RPRD2: variants seen among roughly 807,000 people sequenced by gnomAD.
The protein encoded by RPRD2 is regulation of nuclear pre-mRNA domain-containing protein 2.
A neutral mutation model predicts 104.4 loss-of-function variants in RPRD2; 12 were observed. That is an observed-to-expected ratio of 0.11 (90% CI 0.07 to 0.19). The LOEUF (loss-of-function observed/expected upper bound fraction) is 0.19, where lower values mean the gene tolerates loss of function less well. RPRD2 is among the 10% of genes least tolerant of loss of function. The pLI is 1.00. For missense variants in RPRD2, 1,543 were observed against 1,790.1 expected (o/e 0.86, Z 2.49); for synonymous variants, 714 against 684.9 (o/e 1.04, Z -0.66).
intron 1 of RPRD2, among the ~76,000 whole-genome samples, chr1:150,368,860 AG>A (rs1660052351): frequency 6.6e-6 from 1 of 152,164 alleles, no homozygotes; most frequent in Non-Finnish European, 1.5e-5. Context: ...TACCCACCTC[AG>A]CCTCCCAAAG....
chr1:150,449,486 A>T (rs1053539111), intron 7 of RPRD2, among the ~76,000 whole-genome samples: 1 of 151,680 alleles, frequency 6.6e-6, no homozygotes, highest in African/African-American at 2.4e-5. Flanking sequence ...AATAATTTTT[A>T]GATTTCTATT....
At chr1:150,459,925 A>G (rs1570783510) in intron 8 of RPRD2, 135 bp from the exon 9 acceptor site, 1 of 735,838 alleles carries the variant, frequency 1.4e-6, no homozygotes, top group Non-Finnish European at 2.2e-6. Flanking sequence ...TCAAAAAAGC[A>G]TGAAGTGAGT....
chr1:150,449,734 G>T (rs897390765), intron 7 of RPRD2, among the ~76,000 whole-genome samples: 2 of 152,130 alleles, frequency 1.3e-5, no homozygotes, highest in Non-Finnish European at 2.9e-5. Context: ...TAGGAGTGAG[G>T]ACTTCAACAT....
chr1:150,381,929 A>G (rs1345701045), intron 1 of RPRD2, among the ~76,000 whole-genome samples: 2 of 152,086 alleles, frequency 1.3e-5, no homozygotes, highest in African/African-American at 4.8e-5. Flanking sequence ...GTTGCTACTA[A>G]CCTCTGAAAG....
intron 1 of RPRD2, among the ~76,000 whole-genome samples, chr1:150,392,792 A>G (rs1474386889): frequency 1.3e-5 from 2 of 151,918 alleles, no homozygotes; most frequent in African/African-American, 4.8e-5. Context: ...TCTGTGAGCT[A>G]TGATTTCGCC....
chr1:150,446,585 G>A (rs1477280021), intron 7 of RPRD2, among the ~76,000 whole-genome samples, 184 bp downstream of exon 7: 3 of 152,168 alleles, frequency 2.0e-5, no homozygotes, highest in Admixed American at 2.0e-4. Flanking sequence ...GCTGAGGCAG[G>A]AGGATTGCTT....
rs1036495246 is a variant in RPRD2 at position 150,476,327 on chromosome 1, A to C, written c.*2993A>C. On this transcript the variant is annotated 3_prime_UTR_variant, in exon 11 of 11. Coordinates refer to ENST00000369068, the MANE Select transcript of RPRD2 (RefSeq NM_015203.5). ...CAATCCTGAAGTTACCGGTTCCTGCAGAATTGAGCTTCAGCTGTTACTGTT... is the reference window on the plus strand; with the variant it reads ...CAATCCTGAAGTTACCGGTTCCTGCCGAATTGAGCTTCAGCTGTTACTGTT... 6.6e-6 allele frequency: 1 copy of C among 152,232 alleles called. No homozygotes were observed. Among genetic ancestry groups the C allele is most frequent in the African/African-American group, 2.4e-5 (1 of 41,462 alleles). 9.4% of individuals were successfully genotyped at this position (152,232 alleles called of 1,614,324 possible).
chr1:150,446,129 G>A (rs1666757882), intron 6 of RPRD2, 97 bp from the exon 7 acceptor site: 9 of 783,632 alleles, frequency 1.1e-5, no homozygotes, highest in Non-Finnish European at 1.6e-5. Flanking sequence ...GGCAGCAAGA[G>A]TATGTTCACA....
chr1:150,387,566 CCTTTT>C (rs1363937632), intron 1 of RPRD2, among the ~76,000 whole-genome samples: 1,128 of 70,096 alleles, frequency 0.016, 226 homozygotes, highest in Middle Eastern at 0.025. Flanking sequence ...TTGCAACAGA[CCTTTT>C]TTTTTTTTTT....
At chr1:150,412,581 CAT>C (rs1664020006) in intron 1 of RPRD2, among the ~76,000 whole-genome samples, 1 of 152,030 alleles carries the variant, frequency 6.6e-6, no homozygotes, top group Non-Finnish European at 1.5e-5. Flanking sequence ...GTGAGTAATT[CAT>C]TAAAGATGGA....
chr1:150,457,377 A>G lies in RPRD2; in HGVS notation c.960A>G (p.Pro320=), dbSNP rs782110232. The change falls in exon 8 of 11, where the codon CCA becomes CCG. Residue 320 remains proline (P), a synonymous_variant. Coordinates refer to ENST00000369068, the MANE Select transcript of RPRD2 (RefSeq NM_015203.5). ...CCCTTCCAGATCCTGAAGAATCACC[A>G]GTTCCTTCCCCAAGCATGGACGCTC... ...KSTLPDPEES[P]VPSPSMDAPS... 1 of 1,611,882 alleles carries G rather than the reference A, an allele frequency of 6.2e-7. No individual in the cohort carries two copies. Among genetic ancestry groups the G allele is most frequent in the Non-Finnish European group, 8.5e-7 (1 of 1,178,004 alleles).
intron 1 of RPRD2, among the ~76,000 whole-genome samples, chr1:150,381,001 T>C (rs1271069014): frequency 6.6e-6 from 1 of 152,170 alleles, no homozygotes; most frequent in Middle Eastern, 3.2e-3. Flanking sequence ...CTTGTTTATT[T>C]ATTTGCTTAT....
At position 150,471,311 on chromosome 1, in the gene RPRD2, C is replaced by G. The variant is rs763241625; in HGVS notation, c.2363C>G (p.Thr788Arg). 1 of 1,613,860 alleles carries G rather than the reference C, an allele frequency of 6.2e-7. No homozygotes were observed. Among genetic ancestry groups the G allele is most frequent in the East Asian group, 2.2e-5 (1 of 44,880 alleles). Residue 788 changes from threonine (T) to arginine (R), a missense_variant, in exon 11 of 11, where the codon ACA (threonine) becomes AGA (arginine). By Grantham distance (71) the Thr-to-Arg change is moderately conservative. Transcript: ENST00000369068. This position sits in a 1 kb window ranked among gnomAD's most constrained non-coding sequence, Gnocchi z 5.3. The stretch of plus-strand genomic sequence containing the variant: ...CGAGAGCTCTCCAATTCTGTATCTA[C>G]ATATCGACCCTTTGGTCTGGGCAGT... ...YPRELSNSVS[T>R]YRPFGLGSES...
chr1:150,459,643 A>G (rs963653143), intron 8 of RPRD2, among the ~76,000 whole-genome samples: 6 of 147,790 alleles, frequency 4.1e-5, no homozygotes, highest in Non-Finnish European at 7.4e-5. Flanking sequence ...CCCAGGCTGG[A>G]ATGCAGTGGC....
intron 2 of RPRD2, among the ~76,000 whole-genome samples, chr1:150,421,793 A>C (rs1553889641): frequency 6.6e-6 from 1 of 152,090 alleles, no homozygotes; most frequent in East Asian, 1.9e-4. Context: ...CCTGGGCAAT[A>C]TAGCGAGACC....
chr1:150,451,700 A>C (rs1572504553), intron 7 of RPRD2, among the ~76,000 whole-genome samples: 2 of 147,614 alleles, frequency 1.4e-5, no homozygotes, highest in East Asian at 2.0e-4. Flanking sequence ...AAAATCGTCC[A>C]CCCCAAAAAG....
intron 7 of RPRD2, among the ~76,000 whole-genome samples, chr1:150,456,066 G>A (rs1667505366): frequency 6.6e-6 from 1 of 152,102 alleles, no homozygotes; most frequent in Non-Finnish European, 1.5e-5. Flanking sequence ...CTGGCTTCAA[G>A]TGATCCTCCT....
At chr1:150,403,193 T>A (rs1256177483) in intron 1 of RPRD2, among the ~76,000 whole-genome samples, 1 of 152,328 alleles carries the variant, frequency 6.6e-6, no homozygotes, top group Non-Finnish European at 1.5e-5. Flanking sequence ...TTGAATAATG[T>A]CTGCTATATT....
intron 2 of RPRD2, among the ~76,000 whole-genome samples, chr1:150,428,218 G>A (rs187389553): frequency 2.6e-5 from 4 of 151,986 alleles, no homozygotes; most frequent in Non-Finnish European, 5.9e-5. Flanking sequence ...TTGGGAGGCC[G>A]AGGTGGGTGG....
Sources: gnomAD v4.1 joint callset for allele counts (sites outside exome capture counted in the v4.1 genomes callset) on GRCh38, gnomAD v4.1.1 for gene constraint, Gnocchi (gnomAD v3.1) non-coding constraint, MANE v1.5 for transcripts, NCBI Gene and HGNC (gene_info 2026-07-23, HGNC 2026-07-21) for gene names.